Variants in MICAL2 observed in about 807,000 individuals in gnomAD.
MICAL2 encodes the protein [F-actin]-monooxygenase MICAL2.
Under a neutral mutation model 127.3 loss-of-function variants are expected in MICAL2, and 77 were observed. The ratio of observed to expected loss-of-function variants is 0.60; its 90% CI spans 0.50 to 0.73. MICAL2 has a LOEUF of 0.73. Among genes scored for constraint, MICAL2 ranks in the 30% least tolerant of loss-of-function variants. The pLI, the probability that MICAL2 is intolerant of heterozygous loss-of-function variation, is 0.00. For missense variants in MICAL2, 1,351 were observed against 1,434.4 expected, an observed-to-expected ratio of 0.94 and a Z score of 0.94; for synonymous variants, 570 against 551.1, an observed-to-expected ratio of 1.03 and a Z score of -0.48.
downstream of MICAL2, among the ~76,000 whole-genome samples, chr11:12,265,998 G>A (rs138282784): frequency 0.082 from 12,462 of 152,066 alleles, 947 homozygotes; most frequent in African/African-American, 0.19. Context: ...TTTAATTCCA[G>A]CTACTTGGGA....
chr11:12,283,716 A>T (rs183758499), intron 2 of MICAL2, among the ~76,000 whole-genome samples: 2 of 152,206 alleles, frequency 1.3e-5, no homozygotes, highest in Non-Finnish European at 2.9e-5. Flanking sequence ...AACAATTTTT[A>T]TATTATGTAT....
rs114274422 is a variant in MICAL2, at chr11:12,207,409, G to A, written c.473-614G>A. Among the ~76,000 whole-genome samples the A allele has an allele frequency of 8.0e-3, 1,214 of 152,330 alleles. 20 individuals are homozygous for A. The highest frequency in any genetic ancestry group is 0.028 in the African/African-American group (1,168 of 41,560). On this transcript the variant is annotated intron_variant, in intron 4 of 27. Transcript: ENST00000683283. The stretch of plus-strand genomic sequence containing the variant: ...TCACTCTACAGAAAAGTATTTGGAG[G>A]CATACGCATTTGTGCTGAATGGCAG...
intron 25 of MICAL2, among the ~76,000 whole-genome samples, chr11:12,259,385 C>T (rs574874419): frequency 1.3e-5 from 2 of 152,264 alleles, no homozygotes; most frequent in South Asian, 4.1e-4. Flanking sequence ...ATTTTTAATG[C>T]CTTTGGAAGA....
intron 29 of MICAL2, among the ~76,000 whole-genome samples, chr11:12,298,540 A>T (rs10765939): frequency 0.93 from 141,540 of 152,228 alleles, 65,850 homozygotes; most frequent in East Asian, 0.95. Flanking sequence ...ATAAAAGTAG[A>T]GATAATTATT....
At chr11:12,285,233 G>T (rs1863812279) in intron 2 of MICAL2, among the ~76,000 whole-genome samples, 1 of 152,180 alleles carries the variant, frequency 6.6e-6, no homozygotes, top group Admixed American at 6.5e-5. Flanking sequence ...GGTGGTGCCA[G>T]TTGAACCTCT....
At chr11:12,264,529 G>C (rs1258439689), downstream of MICAL2, among the ~76,000 whole-genome samples, 1 of 152,060 alleles carries the variant, frequency 6.6e-6, no homozygotes, top group Non-Finnish European at 1.5e-5. Context: ...CCCTGGGTGG[G>C]ATGCCTGCCA....
intron 3 of MICAL2, among the ~76,000 whole-genome samples, chr11:12,170,578 C>A (rs1402016152): frequency 6.6e-6 from 1 of 152,200 alleles, no homozygotes; most frequent in Non-Finnish European, 1.5e-5. Flanking sequence ...TAATGGGAGA[C>A]TTTAGGGCCC....
intron 29 of MICAL2, among the ~76,000 whole-genome samples, chr11:12,308,716 CT>C (rs1313568041): frequency 6.6e-6 from 1 of 152,084 alleles, no homozygotes; most frequent in Non-Finnish European, 1.5e-5. Flanking sequence ...GTTTGTATAC[CT>C]TTTTTTCCAT....
chr11:12,288,571 C>T (rs140784547), downstream of MICAL2, among the ~76,000 whole-genome samples: 5 of 152,254 alleles, frequency 3.3e-5, no homozygotes, highest in Non-Finnish European at 7.4e-5. Context: ...CAGCGTTTCT[C>T]GAGAGTATAC....
intron 29 of MICAL2, among the ~76,000 whole-genome samples, chr11:12,297,531 A>G (rs1590727332): frequency 6.6e-6 from 1 of 152,078 alleles, no homozygotes; most frequent in East Asian, 1.9e-4. Context: ...AGCTTTATAT[A>G]CTAGTTTGAA....
chr11:12,252,023 C>T (rs538669190), intron 22 of MICAL2, among the ~76,000 whole-genome samples: 13 of 152,320 alleles, frequency 8.5e-5, no homozygotes, highest in African/African-American at 2.9e-4. Flanking sequence ...GGAGCCCGTT[C>T]ACACACTGTG....
At chr11:12,125,444 C>T (rs970152322) in intron 1 of MICAL2, among the ~76,000 whole-genome samples, 2 of 152,096 alleles carry the variant, frequency 1.3e-5, no homozygotes, top group Admixed American at 6.6e-5. Flanking sequence ...TTAGTACAGA[C>T]GGGGTTTCAC....
At chr11:12,260,848 C>G in intron 26 of MICAL2, 1 of 985,470 alleles carries the variant, frequency 1.0e-6, no homozygotes, top group Non-Finnish European at 1.2e-6. Context: ...CCCCCCCATA[C>G]CAACTCACAG....
At chr11:12,285,379 T>C (rs1863813615) in intron 2 of MICAL2, among the ~76,000 whole-genome samples, 1 of 152,212 alleles carries the variant, frequency 6.6e-6, no homozygotes, top group Non-Finnish European at 1.5e-5. Flanking sequence ...CAATTTCTAA[T>C]CTTGCGGCTA....
In MICAL2 at chr11:12,138,045, A is replaced by G. The variant is rs568274590; in HGVS notation, c.-148-345A>G. ...TTTACTTTCATTGTGTCTCACACTT[A>G]AAAATTCTGACACTTTCTGTTTTTA... On this transcript the variant is annotated intron_variant, in intron 1 of 27. Transcript: ENST00000683283. 7.2e-5 allele frequency among the ~76,000 whole-genome samples: 11 copies of G among 152,352 alleles called. No homozygotes were observed. The South Asian group carries it at 2.3e-3, about 32-fold the overall frequency.
chr11:12,344,023 C>T (rs1273407269), intron 32 of MICAL2, among the ~76,000 whole-genome samples: 1 of 152,184 alleles, frequency 6.6e-6, no homozygotes, highest in African/African-American at 2.4e-5. Context: ...TGACCGGGCA[C>T]GATTGGTGAC....
intron 29 of MICAL2, among the ~76,000 whole-genome samples, chr11:12,318,275 C>T (rs1238100406): frequency 6.6e-6 from 1 of 152,162 alleles, no homozygotes; most frequent in South Asian, 2.1e-4. Flanking sequence ...GAAGTGAACA[C>T]TCAGTGACTG....
At chr11:12,259,197 C>T (rs1237005666) in intron 25 of MICAL2, among the ~76,000 whole-genome samples, 1 of 152,238 alleles carries the variant, frequency 6.6e-6, no homozygotes, top group East Asian at 1.9e-4. Context: ...AACCACTCTA[C>T]CCTGAGAAAA....
At chr11:12,115,829 A>T (rs1400801823) in intron 1 of MICAL2, among the ~76,000 whole-genome samples, 2 of 152,222 alleles carry the variant, frequency 1.3e-5, no homozygotes, top group African/African-American at 2.4e-5. Flanking sequence ...TGAAGTAGGT[A>T]GACAGAATTA....
Sources: gnomAD v4.1 joint callset for allele counts (sites outside exome capture counted in the v4.1 genomes callset) on GRCh38, gnomAD v4.1.1 for gene constraint, MANE v1.5 for transcripts, NCBI Gene and HGNC (gene_info 2026-07-23, HGNC 2026-07-21) for gene names.